Variants in USP13 observed in about 807,000 individuals in gnomAD.
USP13 encodes ubiquitin carboxyl-terminal hydrolase 13.
In USP13, 68 loss-of-function variants were observed where a neutral mutation model predicts 107.8. The ratio of observed to expected loss-of-function variants is 0.63; its 90% confidence interval spans 0.52 to 0.77. USP13 has a LOEUF of 0.77. Ranked by LOEUF, USP13 falls within the 30% of genes least tolerant of loss-of-function variation. The pLI is 0.00. For synonymous variants in USP13, 377 were observed against 389.5 expected, an observed-to-expected ratio of 0.97 and a Z score of 0.38; for missense variants, 945 against 1,093.3, an observed-to-expected ratio of 0.86 and a Z score of 1.91.
At chr3:179,756,329 A>C (rs970787833) in intron 15 of USP13, among the ~76,000 whole-genome samples, 3 of 152,120 alleles carry the variant, frequency 2.0e-5, no homozygotes, top group African/African-American at 7.2e-5. Context: ...AGGCTGAGGC[A>C]AGAGAATCGC....
intron 17 of USP13, among the ~76,000 whole-genome samples, chr3:179,762,450 G>A (rs371812857): frequency 5.9e-5 from 9 of 152,064 alleles, no homozygotes; most frequent in African/African-American, 1.9e-4. Flanking sequence ...GCATGGTGGC[G>A]GGCACCTGGA....
Position 179,784,726 on chromosome 3 carries a change from T to TA in USP13, c.*586dup, listed in dbSNP as rs1715868353. 6.6e-6 allele frequency: 1 copy of TA among 152,294 alleles called. No homozygotes were observed. Among genetic ancestry groups the TA allele is most frequent in the Admixed American group, 6.5e-5 (1 of 15,290 alleles). 9.4% of individuals were successfully genotyped at this position (152,294 alleles called of 1,614,324 possible). Reference sequence around the variant, plus strand: ...TAATTTGTCACATTAAAATTCATAATACGATTGTGTGAATGTGTGTGAGAC... The same window carrying TA: ...TAATTTGTCACATTAAAATTCATAATAACGATTGTGTGAATGTGTGTGAGAC... On this transcript the variant is annotated 3_prime_UTR_variant, in exon 21 of 21. Coordinates refer to ENST00000263966, the MANE Select transcript of USP13 (RefSeq NM_003940.3).
At chr3:179,717,139 C>G (rs1439233541) in intron 6 of USP13, among the ~76,000 whole-genome samples, 1 of 152,124 alleles carries the variant, frequency 6.6e-6, no homozygotes, top group Admixed American at 6.5e-5. Flanking sequence ...TCAAAAGTTG[C>G]CTATTTACTA....
chr3:179,772,149 G>C (rs1043004675), intron 19 of USP13, among the ~76,000 whole-genome samples: 1 of 152,224 alleles, frequency 6.6e-6, no homozygotes, highest in African/African-American at 2.4e-5. Flanking sequence ...ATGGAGACGA[G>C]AGTCTATTTT....
chr3:179,781,722 T>C lies in USP13; in HGVS notation c.2414-17T>C, dbSNP rs999238661. ...TGGAAATGCTGCCTTGTAACTGAGTTGTTTCCTCTTTCACAGCATATGAGC... is the reference window on the plus strand; with the variant it reads ...TGGAAATGCTGCCTTGTAACTGAGTCGTTTCCTCTTTCACAGCATATGAGC... On this transcript the variant is annotated splice_polypyrimidine_tract_variant and intron_variant, in intron 19 of 20. Coordinates refer to ENST00000263966, the MANE Select transcript of USP13 (RefSeq NM_003940.3). 2.2e-5 allele frequency: 35 copies of C among 1,611,672 alleles called. No homozygotes were observed. Among genetic ancestry groups the C allele is most frequent in the Middle Eastern group, 3.3e-4 (2 of 6,076 alleles).
chr3:179,744,950 A>G, intron 12 of USP13, 93 bp from the exon 13 acceptor site: 1 of 1,500,382 alleles, frequency 6.7e-7, no homozygotes. Flanking sequence ...GGCCCAGCGC[A>G]GAAGCCTTCA....
intron 1 of USP13, among the ~76,000 whole-genome samples, chr3:179,665,881 C>T (rs1186993805): frequency 3.3e-5 from 5 of 152,176 alleles, no homozygotes; most frequent in Non-Finnish European, 7.3e-5. Flanking sequence ...CCACTGCACC[C>T]AGCTGGATAT....
Position 179,678,878 on chromosome 3 carries a change from C to T in USP13, c.169-3000C>T, listed in dbSNP as rs779440748. Among the ~76,000 whole-genome samples, 10 of 152,156 alleles carry T rather than the reference C, an allele frequency of 6.6e-5. No individual in the cohort carries two copies. Among genetic ancestry groups the T allele is most frequent in the Non-Finnish European group, 1.0e-4 (7 of 68,024 alleles). On this transcript the variant is annotated intron_variant, in intron 1 of 20. Coordinates refer to ENST00000263966, the MANE Select transcript of USP13 (RefSeq NM_003940.3). The surrounding 1 kb of genome is among the most constrained non-coding windows in gnomAD (Gnocchi z 4.2). The stretch of plus-strand genomic sequence containing the variant: ...TATTGCTCTTACTAGTTGTTATTTT[C>T]ACTAGTGTGTGTAGATTCCTTAGAA...
In USP13 at chr3:179,709,688, G is replaced by A. The variant is rs988052359; in HGVS notation, c.805+731G>A. On this transcript the variant is annotated intron_variant, in intron 6 of 20. Transcript: ENST00000263966. ...TGAGAAACTTAAATATTGAGCAGTG[G>A]CTATGAGAACCCATCATCTAATCAT... Among the ~76,000 whole-genome samples the A allele has an allele frequency of 3.6e-3, 546 of 152,306 alleles. 3 individuals carry two copies. Among genetic ancestry groups the A allele is most frequent in the Non-Finnish European group, 6.2e-3 (422 of 68,038 alleles).
chr3:179,765,263 A>G (rs1399007301), intron 18 of USP13, among the ~76,000 whole-genome samples: 2 of 152,238 alleles, frequency 1.3e-5, no homozygotes, highest in Non-Finnish European at 2.9e-5. Context: ...CCACACTGGC[A>G]TCCCTCTATT....
rs960949792 is a variant in USP13 at position 179,681,753 on chromosome 3, A to AG, written c.169-123dup. ...TTAAAACAAGGTAGGGTATCACAGC[A>AG]GGAGCCTCGGTGGCCCTTTGCCAGG... On this transcript the variant is annotated intron_variant, in intron 1 of 20. Coordinates refer to ENST00000263966, the MANE Select transcript of USP13 (RefSeq NM_003940.3). 3 of 1,229,874 alleles carry AG rather than the reference A, an allele frequency of 2.4e-6. No homozygotes were observed. In the African/African-American group the frequency reaches 4.6e-5, roughly 19 times the overall value. 76.2% of individuals were successfully genotyped at this position (1,229,874 alleles called of 1,614,324 possible).
intron 1 of USP13, among the ~76,000 whole-genome samples, chr3:179,680,977 C>G (rs1711633884): frequency 6.6e-6 from 1 of 151,306 alleles, no homozygotes; most frequent in African/African-American, 2.4e-5. Context: ...TGAGGAAGAA[C>G]GATAATAAAA....
At chr3:179,695,866 C>T (rs186929663) in intron 3 of USP13, among the ~76,000 whole-genome samples, 76 of 152,242 alleles carry the variant, frequency 5.0e-4, no homozygotes, top group Admixed American at 1.0e-3. Context: ...ATTAACCCTT[C>T]GGCTCCCAAA....
At chr3:179,756,691 G>A (rs1362602700) in intron 15 of USP13, among the ~76,000 whole-genome samples, 2 of 152,172 alleles carry the variant, frequency 1.3e-5, no homozygotes, top group East Asian at 1.9e-4. Flanking sequence ...CCAGGAGGTC[G>A]AGGCTGCAGT....
intron 8 of USP13, among the ~76,000 whole-genome samples, chr3:179,725,172 A>G (rs1033980812): frequency 6.6e-6 from 1 of 152,214 alleles, no homozygotes; most frequent in Non-Finnish European, 1.5e-5. Context: ...AGATTGTGCC[A>G]CTGTACTCCA....
chr3:179,755,933 G>T (rs536090854), intron 15 of USP13, among the ~76,000 whole-genome samples: 1 of 152,148 alleles, frequency 6.6e-6, no homozygotes, highest in African/African-American at 2.4e-5. Flanking sequence ...GTTCTCTAAC[G>T]CTGGGTCAAA....
At chr3:179,687,683 A>AAAAAAAAAAAAAAAAAAAAAAAAAAAAAC (rs1314084317) in intron 2 of USP13, among the ~76,000 whole-genome samples, 1 of 144,446 alleles carries the variant, frequency 6.9e-6, no homozygotes, top group Non-Finnish European at 1.5e-5. Flanking sequence ...AAAAAAAAAA[A>AAAAAAAAAAAAAAAAAAAAAAAAAAAAAC]AAGGACTAGT....
At chr3:179,777,586 G>A (rs1044292085) in intron 19 of USP13, among the ~76,000 whole-genome samples, 10 of 151,730 alleles carry the variant, frequency 6.6e-5, no homozygotes, top group Admixed American at 1.3e-4. Flanking sequence ...CCGAGTAGCT[G>A]CGACTACAGG....
intron 10 of USP13, among the ~76,000 whole-genome samples, chr3:179,738,223 G>A (rs1456017653): frequency 6.6e-6 from 1 of 152,232 alleles, no homozygotes; most frequent in Non-Finnish European, 1.5e-5. Context: ...CTTCAGAGGA[G>A]AGGAATATGG....
Sources: allele counts gnomAD v4.1 joint callset (sites outside exome capture counted in the v4.1 genomes callset), GRCh38; gene constraint gnomAD v4.1.1; non-coding constraint Gnocchi (gnomAD v3.1); transcripts MANE v1.5; gene names NCBI Gene and HGNC (gene_info 2026-07-23, HGNC 2026-07-21).